PRKN: variants seen among roughly 807,000 people sequenced by gnomAD.
PRKN encodes E3 ubiquitin-protein ligase parkin.
In PRKN, 56 loss-of-function variants were observed where a neutral mutation model predicts 59.5. That is an observed-to-expected ratio of 0.94 (90% CI 0.76 to 1.18). PRKN has a LOEUF of 1.18. Among genes scored for constraint, PRKN ranks in the 50% most tolerant of loss-of-function variants. The pLI, the probability that PRKN is intolerant of heterozygous loss-of-function variation, is 0.00. For synonymous variants in PRKN, 250 were observed against 222.1 expected (o/e 1.13, Z -1.12); for missense variants, 657 against 596.4 (o/e 1.10, Z -1.06).
intron 9 of PRKN, among the ~76,000 whole-genome samples, chr6:161,501,523 C>A (rs577913370): frequency 1.3e-5 from 2 of 151,936 alleles, no homozygotes; most frequent in East Asian, 1.9e-4. Context: ...GTAATAGTCC[C>A]TTTATCCGAT....
intron 1 of PRKN, among the ~76,000 whole-genome samples, chr6:162,606,743 G>C (rs1369929298): frequency 6.6e-6 from 1 of 152,130 alleles, no homozygotes; most frequent in Non-Finnish European, 1.5e-5. Context: ...TTTTGAGACA[G>C]TCTCACTCTG....
At chr6:161,859,926 G>A (rs1486240788) in intron 6 of PRKN, among the ~76,000 whole-genome samples, 17 of 152,102 alleles carry the variant, frequency 1.1e-4, no homozygotes, top group Admixed American at 1.1e-3. Context: ...CGGAACAATG[G>A]TTAATCTTAA....
intron 6 of PRKN, among the ~76,000 whole-genome samples, chr6:161,958,485 C>T (rs947292855): frequency 6.6e-6 from 1 of 152,044 alleles, no homozygotes; most frequent in Non-Finnish European, 1.5e-5. Context: ...TACATCAAAT[C>T]AATATTATGG....
chr6:161,705,269 G>A (rs1786437642), intron 7 of PRKN, among the ~76,000 whole-genome samples: 2 of 152,150 alleles, frequency 1.3e-5, no homozygotes, highest in Admixed American at 6.5e-5. Context: ...TCACAGCTTA[G>A]CCTAGCCTAC....
chr6:161,931,491 C>A (rs1156535352), intron 6 of PRKN, among the ~76,000 whole-genome samples: 1 of 152,128 alleles, frequency 6.6e-6, no homozygotes, highest in African/African-American at 2.4e-5. Flanking sequence ...GGTGAATTTG[C>A]ATCTATATCT....
At position 161,538,588 on chromosome 6, in the gene PRKN, T is replaced by C. The variant is rs570273042; in HGVS notation, c.1083+10266A>G. On this transcript the variant is annotated intron_variant, in intron 9 of 11. Coordinates refer to ENST00000366898, the MANE Select transcript of PRKN (RefSeq NM_004562.3). This position sits in a 1 kb window ranked among gnomAD's most constrained non-coding sequence, Gnocchi z 4.2. ...TTCTTGGTGCAAAAAGAGGCCAAAG[T>C]GAGTCTTTGAGGACTTCAACTGGTA... Among the ~76,000 whole-genome samples the C allele has an allele frequency of 6.6e-6, 1 of 152,194 alleles. No homozygotes were observed. The highest frequency in any genetic ancestry group is 1.9e-4 in the East Asian group (1 of 5,160).
In PRKN at chr6:162,189,109, CAA is replaced by C. The variant is rs1784156501; in HGVS notation, c.534+12020_534+12021del. 7.3e-5 allele frequency among the ~76,000 whole-genome samples: 11 copies of C among 151,596 alleles called. 1 individual carries two copies. Among genetic ancestry groups the C allele is most frequent in the Admixed American group, 7.2e-4 (11 of 15,236 alleles). ...GGAGGGAATTGAGATTAGACGACTG[CAA>C]AGTTGATTCCTATTCTAATTATCTT... On this transcript the variant is annotated intron_variant, in intron 4 of 11. Transcript: ENST00000366898.
At chr6:162,202,410 G>A (rs913897925) in intron 3 of PRKN, among the ~76,000 whole-genome samples, 12 of 152,044 alleles carry the variant, frequency 7.9e-5, no homozygotes, top group Admixed American at 7.2e-4. Flanking sequence ...ACAATACTTT[G>A]CAAAATCTGA....
chr6:162,044,984 G>A (rs1385167337), intron 5 of PRKN, among the ~76,000 whole-genome samples: 4 of 151,966 alleles, frequency 2.6e-5, no homozygotes, highest in East Asian at 3.9e-4. Flanking sequence ...AAAAATCATC[G>A]TTTGCCTACA....
chr6:161,448,797 T>C lies in PRKN; in HGVS notation c.1084-61920A>G, dbSNP rs1197389634. ...GCTGTTCCTCTACCCTTTCGTTTCT[T>C]TGCTGGACAATCCTTATAAGCTGGA... On this transcript the variant is annotated intron_variant, in intron 9 of 11. Transcript: ENST00000366898. The surrounding 1 kb of genome is among the most constrained non-coding windows in gnomAD (Gnocchi z 5.1). 6.6e-6 allele frequency among the ~76,000 whole-genome samples: 1 copy of C among 152,174 alleles called. No homozygotes were observed. The highest frequency in any genetic ancestry group is 1.9e-4 in the East Asian group (1 of 5,198).
intron 2 of PRKN, among the ~76,000 whole-genome samples, chr6:162,274,433 C>G (rs1040644109): frequency 5.3e-5 from 8 of 152,120 alleles, no homozygotes; most frequent in Non-Finnish European, 1.2e-4. Flanking sequence ...AGTGATCTGC[C>G]TGCCTCAGCC....
rs1045994713 is a variant in PRKN at position 161,379,150 on chromosome 6, T to C, written c.1167+7644A>G. Among the ~76,000 whole-genome samples the C allele has an allele frequency of 3.3e-5, 5 of 152,116 alleles. No individual in the cohort carries two copies. Among genetic ancestry groups the C allele is most frequent in the Admixed American group, 6.5e-5 (1 of 15,268 alleles). On this transcript the variant is annotated intron_variant, in intron 10 of 11. Transcript: ENST00000366898. This position sits in a 1 kb window ranked among gnomAD's most constrained non-coding sequence, Gnocchi z 4.9. ...AGAATGCATTTGGCACCCAGGTGGT[T>C]CACTGTGGCATCTCTTGGTCCTCCC...
At chr6:161,465,842 A>G (rs796258215) in intron 9 of PRKN, among the ~76,000 whole-genome samples, 25 of 152,224 alleles carry the variant, frequency 1.6e-4, no homozygotes, top group African/African-American at 5.8e-4. Flanking sequence ...TTGGATTCCA[A>G]TTACACAGTG....
chr6:162,178,597 T>C (rs1398259772), intron 4 of PRKN, among the ~76,000 whole-genome samples: 6 of 152,198 alleles, frequency 3.9e-5, no homozygotes, highest in Non-Finnish European at 7.3e-5. Flanking sequence ...GCCATTTTTT[T>C]GATCAGTAGG....
At chr6:161,881,317 C>G (rs137945308) in intron 6 of PRKN, among the ~76,000 whole-genome samples, 185 of 152,288 alleles carry the variant, frequency 1.2e-3, no homozygotes, top group African/African-American at 3.1e-3. Flanking sequence ...CCCTGCCACC[C>G]TTTTTCTTTG....
At chr6:161,696,585 G>A (rs1461002308) in intron 7 of PRKN, among the ~76,000 whole-genome samples, 1 of 152,260 alleles carries the variant, frequency 6.6e-6, no homozygotes, top group South Asian at 2.1e-4. Context: ...GCTAACGTTG[G>A]TCTTTCTATT....
intron 2 of PRKN, among the ~76,000 whole-genome samples, chr6:162,288,784 T>C (rs73598155): frequency 0.027 from 4,183 of 152,262 alleles, 72 homozygotes; most frequent in East Asian, 0.1. Context: ...CGGATACATT[T>C]ATCATTCCAA....
At chr6:161,764,530 A>G (rs1789344531) in intron 7 of PRKN, among the ~76,000 whole-genome samples, 1 of 152,214 alleles carries the variant, frequency 6.6e-6, no homozygotes, top group African/African-American at 2.4e-5. Flanking sequence ...CAGATGCACC[A>G]TTTTTAATGA....
At chr6:161,589,778 CT>C (rs201984579) in intron 7 of PRKN, among the ~76,000 whole-genome samples, 30,287 of 123,868 alleles carry the variant, frequency 0.24, 2,902 homozygotes, top group East Asian at 0.48. Flanking sequence ...GGATTAAATT[CT>C]TTTTTTTTTT....
Sources: gnomAD v4.1 joint callset for allele counts (sites outside exome capture counted in the v4.1 genomes callset) on GRCh38, gnomAD v4.1.1 for gene constraint, Gnocchi (gnomAD v3.1) non-coding constraint, MANE v1.5 for transcripts, NCBI Gene and HGNC (gene_info 2026-07-23, HGNC 2026-07-21) for gene names.